Variants in RAB27A observed in about 807,000 individuals in gnomAD.
RAB27A encodes the protein RAB27A, member RAS oncogene family.
A neutral mutation model predicts 20.8 loss-of-function variants in RAB27A; 17 were observed. The observed-to-expected ratio is 0.82, with a 90% CI of 0.56 to 1.23. RAB27A has a LOEUF of 1.23. RAB27A is among the 50% of genes most tolerant of loss of function. The pLI is 0.00. For synonymous variants in RAB27A, 85 were observed against 92.8 expected (o/e 0.92, Z 0.48); for missense variants, 277 against 266.7 (o/e 1.04, Z -0.27).
intron 2 of RAB27A, among the ~76,000 whole-genome samples, chr15:55,259,251 C>T (rs182315900): frequency 4.8e-4 from 73 of 151,798 alleles, no homozygotes; most frequent in African/African-American, 1.5e-3. Flanking sequence ...TTAAAATAGT[C>T]AAATTTATTC....
intron 1 of RAB27A, among the ~76,000 whole-genome samples, chr15:55,274,515 T>C (rs12910733): frequency 0.56 from 85,023 of 151,628 alleles, 25,119 homozygotes; most frequent in East Asian, 0.75. Flanking sequence ...CGGTGGTTCA[T>C]GCCTGTAATC....
chr15:55,249,981 AGACAGAAT>A (rs1896827431), intron 2 of RAB27A, among the ~76,000 whole-genome samples: 2 of 151,874 alleles, frequency 1.3e-5, no homozygotes, highest in Admixed American at 1.3e-4. Flanking sequence ...TGTTTTTTTG[AGACAGAAT>A]CTCACTCTGT....
At chr15:55,230,222 C>T (rs928468271) in intron 4 of RAB27A, among the ~76,000 whole-genome samples, 179 bp downstream of exon 4, 2 of 152,192 alleles carry the variant, frequency 1.3e-5, no homozygotes, top group Non-Finnish European at 2.9e-5. Context: ...CTCCCTTGAC[C>T]TTGTATGAAA....
intron 1 of RAB27A, among the ~76,000 whole-genome samples, chr15:55,288,126 TA>T (rs1204579024): frequency 1.3e-5 from 2 of 152,206 alleles, no homozygotes; most frequent in Admixed American, 1.3e-4. Context: ...ATGTAAGAGC[TA>T]AAAACTATAA....
chr15:55,254,854 G>A (rs901049749), intron 2 of RAB27A, among the ~76,000 whole-genome samples: 7 of 152,170 alleles, frequency 4.6e-5, no homozygotes, highest in African/African-American at 1.2e-4. Context: ...CAAAATCTGC[G>A]GCTTATGTCT....
chr15:55,254,410 A>C (rs944007178), intron 2 of RAB27A, among the ~76,000 whole-genome samples: 6 of 152,140 alleles, frequency 3.9e-5, no homozygotes, highest in Non-Finnish European at 7.4e-5. Flanking sequence ...ACCACATATG[A>C]ATGTCTAAGA....
At position 55,219,851 on chromosome 15, in the gene RAB27A, G is replaced by A. The variant is rs889640135; in HGVS notation, c.467+4038C>T. Among the ~76,000 whole-genome samples, 20 of 151,888 alleles carry A rather than the reference G, an allele frequency of 1.3e-4. 1 individual carries two copies. The highest frequency in any genetic ancestry group is 2.6e-4 in the Non-Finnish European group (18 of 67,982). On this transcript the variant is annotated intron_variant, in intron 6 of 6. Transcript: ENST00000336787. The stretch of plus-strand genomic sequence containing the variant: ...AAACCATTATGTTGCATTTGTTCCA[G>A]GAAAATTCAATTGGTTTACCACAGA...
At chr15:55,314,702 T>C (rs556622579) in intron 1 of RAB27A, among the ~76,000 whole-genome samples, 1 of 152,272 alleles carries the variant, frequency 6.6e-6, no homozygotes, top group African/African-American at 2.4e-5. Flanking sequence ...GGATACAACT[T>C]ACAAGGGATG....
chr15:55,246,352 T>C (rs1896683997), intron 2 of RAB27A, among the ~76,000 whole-genome samples: 1 of 152,042 alleles, frequency 6.6e-6, no homozygotes, highest in Admixed American at 6.6e-5. Context: ...ACAAGAGGCG[T>C]TGAAATGATT....
intron 2 of RAB27A, among the ~76,000 whole-genome samples, chr15:55,250,436 A>G (rs1293379109): frequency 6.6e-6 from 1 of 152,218 alleles, no homozygotes. Context: ...TTAGTTGAGA[A>G]GACTGTACTT....
chr15:55,256,996 G>T (rs1439651118), intron 2 of RAB27A, among the ~76,000 whole-genome samples: 2 of 152,108 alleles, frequency 1.3e-5, no homozygotes, highest in African/African-American at 4.8e-5. Flanking sequence ...GGGAAGAAGG[G>T]GATCCAAGAT....
At chr15:55,303,689 C>T (rs1464903037) in intron 2 of RAB27A, among the ~76,000 whole-genome samples, 3 of 128,490 alleles carry the variant, frequency 2.3e-5, no homozygotes, top group Non-Finnish European at 3.3e-5. Context: ...CCCGGCCAGC[C>T]GCCCCGTCCG....
At chr15:55,318,453 C>T (rs2055081250) in intron 1 of RAB27A, among the ~76,000 whole-genome samples, 2 of 149,526 alleles carry the variant, frequency 1.3e-5, no homozygotes, top group Non-Finnish European at 3.0e-5. Flanking sequence ...GCCTGTAATC[C>T]CAACACTTTG....
chr15:55,315,363 T>C (rs923679271), intron 1 of RAB27A, among the ~76,000 whole-genome samples: 13 of 152,172 alleles, frequency 8.5e-5, no homozygotes, highest in East Asian at 1.9e-4. Context: ...AAAGACTTCA[T>C]GACAAGGCCA....
intron 2 of RAB27A, among the ~76,000 whole-genome samples, chr15:55,295,089 G>A (rs1710808705): frequency 6.6e-6 from 1 of 152,044 alleles, no homozygotes; most frequent in South Asian, 2.1e-4. Context: ...CAAATGAAAA[G>A]ATGTTTAATG....
chr15:55,277,033 G>C (rs1358191461), intron 1 of RAB27A, among the ~76,000 whole-genome samples: 3 of 152,088 alleles, frequency 2.0e-5, no homozygotes, highest in Non-Finnish European at 4.4e-5. Context: ...TTAAGTAGGG[G>C]AAGGAAAGAA....
intron 2 of RAB27A, among the ~76,000 whole-genome samples, chr15:55,307,710 T>C (rs111549928): frequency 0.056 from 8,403 of 150,760 alleles, 295 homozygotes; most frequent in East Asian, 0.15. Flanking sequence ...GAAATCCCTG[T>C]GATTTTGGCA....
At chr15:55,225,794 T>G (rs1462696956) in intron 5 of RAB27A, among the ~76,000 whole-genome samples, 1 of 152,124 alleles carries the variant, frequency 6.6e-6, no homozygotes, top group Non-Finnish European at 1.5e-5. Flanking sequence ...AAAACTTCAC[T>G]AAGAAAAAAG....
chr15:55,316,743 T>C (rs757887323), intron 1 of RAB27A, among the ~76,000 whole-genome samples: 2 of 152,216 alleles, frequency 1.3e-5, no homozygotes, highest in South Asian at 2.1e-4. Flanking sequence ...CAAATTTGCT[T>C]AGTGGATTAA....
Sources: gnomAD v4.1 joint callset for allele counts (sites outside exome capture counted in the v4.1 genomes callset) on GRCh38, gnomAD v4.1.1 for gene constraint, MANE v1.5 for transcripts, NCBI Gene and HGNC (gene_info 2026-07-23, HGNC 2026-07-21) for gene names.